The following DOCK1 variants were observed in gnomAD, a reference collection of about 807,000 sequenced individuals.
DOCK1 encodes the protein dedicator of cytokinesis protein 1.
In DOCK1, 138 loss-of-function variants were observed where a neutral mutation model predicts 262.7. The ratio of observed to expected loss-of-function variants is 0.53; its 90% CI spans 0.46 to 0.61. The LOEUF (loss-of-function observed/expected upper bound fraction) is 0.61, where lower values mean the gene tolerates loss of function less well. Ranked by LOEUF, DOCK1 falls within the 20% of genes least tolerant of loss-of-function variation. The pLI is 0.00. For synonymous variants in DOCK1, 866 were observed against 867.4 expected, an observed-to-expected ratio of 1.00 and a Z score of 0.03; for missense variants, 1,908 against 2,370.7, an observed-to-expected ratio of 0.80 and a Z score of 4.05.
At chr10:127,160,567 CAG>C (rs2133655961) in intron 27 of DOCK1, among the ~76,000 whole-genome samples, 1 of 152,296 alleles carries the variant, frequency 6.6e-6, no homozygotes, top group East Asian at 1.9e-4. Flanking sequence ...TCTAGCATGT[CAG>C]GGAGCAGCAC....
chr10:127,198,825 T>C (rs2057331846), intron 27 of DOCK1, among the ~76,000 whole-genome samples: 1 of 151,752 alleles, frequency 6.6e-6, no homozygotes, highest in African/African-American at 2.4e-5. Flanking sequence ...AATCAAAATA[T>C]TGGTGAAAAC....
chr10:127,222,378 C>CTT (rs1201039034), intron 27 of DOCK1, among the ~76,000 whole-genome samples: 8 of 152,226 alleles, frequency 5.3e-5, no homozygotes, highest in African/African-American at 1.2e-4. Flanking sequence ...CTCTCTCTCT[C>CTT]TCAATATGTT....
chr10:127,252,332 A>T (rs1385079641), intron 28 of DOCK1, among the ~76,000 whole-genome samples: 1 of 151,560 alleles, frequency 6.6e-6, no homozygotes, highest in African/African-American at 2.4e-5. Context: ...CCCATTTTTT[A>T]GGTTGCCTTT....
At chr10:127,367,723 A>G (rs966484375) in intron 33 of DOCK1, among the ~76,000 whole-genome samples, 5 of 152,160 alleles carry the variant, frequency 3.3e-5, no homozygotes, top group African/African-American at 1.2e-4. Flanking sequence ...GTCCATAGCC[A>G]TAGAGCTCCG....
chr10:126,995,339 A>G lies in DOCK1; in HGVS notation c.474-1409A>G, dbSNP rs1481902561. ...AGCCGAGATCATGCCACTGCACTCCAGCCTGGGCAACACTGAGCACTGGGT... is the reference window on the plus strand; with the variant it reads ...AGCCGAGATCATGCCACTGCACTCCGGCCTGGGCAACACTGAGCACTGGGT... On this transcript the variant is annotated intron_variant, in intron 6 of 51. Coordinates refer to ENST00000623213, the MANE Select transcript of DOCK1 (RefSeq NM_001290223.2). The surrounding 1 kb of genome is among the most constrained non-coding windows in gnomAD (Gnocchi z 5.8). 1.3e-5 allele frequency among the ~76,000 whole-genome samples: 2 copies of G among 152,208 alleles called. No individual in the cohort carries two copies. The highest frequency in any genetic ancestry group is 2.9e-5 in the Non-Finnish European group (2 of 68,034).
At chr10:127,314,957 T>C (rs982753489) in intron 29 of DOCK1, among the ~76,000 whole-genome samples, 3 of 152,176 alleles carry the variant, frequency 2.0e-5, no homozygotes, top group Admixed American at 6.5e-5. Context: ...GAAACAACCA[T>C]GACTGTAATA....
chr10:127,026,059 C>CA (rs71490104), intron 15 of DOCK1: 39,024 of 230,102 alleles, frequency 0.17, 2,196 homozygotes, highest in African/African-American at 0.24. Flanking sequence ...AACTCTGTAT[C>CA]AAAAAAAAAA....
At chr10:127,148,308 TGTG>T (rs1427326106) in intron 27 of DOCK1, among the ~76,000 whole-genome samples, 1 of 152,168 alleles carries the variant, frequency 6.6e-6, no homozygotes, top group Non-Finnish European at 1.5e-5. Context: ...TCCGGGAGGA[TGTG>T]GTCACTCAGG....
chr10:127,049,387 G>C (rs2044561925), intron 21 of DOCK1, among the ~76,000 whole-genome samples: 2 of 152,100 alleles, frequency 1.3e-5, no homozygotes, highest in Admixed American at 1.3e-4. Context: ...CAAGTGTGGT[G>C]GTGGGCACCT....
At chr10:127,441,875 C>T (rs1054825743) in intron 49 of DOCK1, among the ~76,000 whole-genome samples, 3 of 152,176 alleles carry the variant, frequency 2.0e-5, no homozygotes, top group Non-Finnish European at 4.4e-5. Flanking sequence ...AGCCTCCAGG[C>T]TGTGATTTGC....
At chr10:126,945,612 T>C (rs1174307232) in intron 1 of DOCK1, among the ~76,000 whole-genome samples, 1 of 152,160 alleles carries the variant, frequency 6.6e-6, no homozygotes, top group Non-Finnish European at 1.5e-5. Context: ...AACGGGATCA[T>C]TTTTATGGAT....
intron 50 of DOCK1, among the ~76,000 whole-genome samples, chr10:127,445,695 C>A (rs917869942): frequency 1.3e-5 from 2 of 152,194 alleles, no homozygotes; most frequent in African/African-American, 2.4e-5. Flanking sequence ...GGGACTCAAA[C>A]AGATACTTAA....
chr10:127,119,993 G>A (rs1468588300), intron 25 of DOCK1, among the ~76,000 whole-genome samples: 1 of 152,228 alleles, frequency 6.6e-6, no homozygotes, highest in Non-Finnish European at 1.5e-5. Flanking sequence ...ATGAACAGAT[G>A]TTGAATTATT....
At chr10:127,226,672 A>G (rs890040991) in intron 27 of DOCK1, among the ~76,000 whole-genome samples, 2 of 152,136 alleles carry the variant, frequency 1.3e-5, no homozygotes, top group Non-Finnish European at 1.5e-5. Flanking sequence ...TGAACCCAGG[A>G]GGCAGAGGCT....
In DOCK1 at chr10:127,026,073, G is replaced by GAAAAGA. The variant is rs373279876; in HGVS notation, c.1552-276_1552-275insAGAAAA. ...AAACTCTGTATCAAAAAAAAAAAAA[G>GAAAAGA]AAAGAAAAAAGAATCTTAACAGTAA... On this transcript the variant is annotated intron_variant, in intron 15 of 51. Coordinates refer to ENST00000623213, the MANE Select transcript of DOCK1 (RefSeq NM_001290223.2). 5.5e-4 allele frequency: 121 copies of GAAAAGA among 220,778 alleles called. 3 individuals carry two copies. Among genetic ancestry groups the GAAAAGA allele is most frequent in the African/African-American group, 3.9e-3 (117 of 29,872 alleles). 13.7% of individuals were successfully genotyped at this position (220,778 alleles called of 1,614,324 possible).
At chr10:127,297,840 C>T (rs1335004787) in intron 29 of DOCK1, among the ~76,000 whole-genome samples, 5 of 152,118 alleles carry the variant, frequency 3.3e-5, no homozygotes, top group African/African-American at 4.8e-5. Context: ...CATCCCAAAG[C>T]TATGCATTAT....
chr10:127,263,417 T>A (rs1030901088), intron 29 of DOCK1, among the ~76,000 whole-genome samples: 16 of 38,168 alleles, frequency 4.2e-4, no homozygotes, highest in African/African-American at 2.6e-3. Flanking sequence ...ATTTAATGAC[T>A]ATCCCAAAGT....
intron 1 of DOCK1, among the ~76,000 whole-genome samples, chr10:126,919,702 G>A (rs771182845): frequency 6.6e-5 from 10 of 152,280 alleles, no homozygotes; most frequent in Admixed American, 1.3e-4. Context: ...CCCCGATCCC[G>A]CGTTGCTCTC....
At chr10:126,977,886 T>C in intron 2 of DOCK1, 62 bp from the exon 3 acceptor site, 1 of 1,506,612 alleles carries the variant, frequency 6.6e-7, no homozygotes, top group South Asian at 1.1e-5. Flanking sequence ...ACATCATGAA[T>C]GTATTGTGAG....
Sources: allele counts gnomAD v4.1 joint callset (sites outside exome capture counted in the v4.1 genomes callset), GRCh38; gene constraint gnomAD v4.1.1; non-coding constraint Gnocchi (gnomAD v3.1); transcripts MANE v1.5; gene names NCBI Gene and HGNC (gene_info 2026-07-23, HGNC 2026-07-21).